Variants in MB21D2 observed in about 807,000 individuals in gnomAD.
MB21D2 encodes Mab-21 domain containing 2, also known as nucleotidyltransferase MB21D2.
A neutral mutation model predicts 33.3 loss-of-function variants in MB21D2; 9 were observed. The ratio of observed to expected loss-of-function variants is 0.27; its 90% CI spans 0.16 to 0.47. The LOEUF is 0.47. Among genes scored for constraint, MB21D2 ranks in the 20% least tolerant of loss-of-function variants. MB21D2 has a pLI of 0.99. For synonymous variants in MB21D2, 241 were observed against 236.3 expected (o/e 1.02, Z -0.18); for missense variants, 540 against 624.6 (o/e 0.86, Z 1.44).
chr3:192,833,046 T>G (rs1712356045), intron 1 of MB21D2, among the ~76,000 whole-genome samples: 1 of 152,164 alleles, frequency 6.6e-6, no homozygotes, highest in South Asian at 2.1e-4. Flanking sequence ...TAGACCTTTT[T>G]TTTTTTGGAA....
intron 1 of MB21D2, among the ~76,000 whole-genome samples, chr3:192,910,473 T>G (rs1165127875): frequency 6.6e-6 from 1 of 152,160 alleles, no homozygotes; most frequent in East Asian, 1.9e-4. Flanking sequence ...GTGAGACCTG[T>G]CATTCATACA....
In MB21D2 at chr3:192,823,480, C is replaced by T. The variant is rs190490772; in HGVS notation, c.212-23830G>A. Among the ~76,000 whole-genome samples the T allele has an allele frequency of 8.5e-5, 13 of 152,048 alleles. 1 individual carries two copies. Among genetic ancestry groups the T allele is most frequent in the Admixed American group, 5.2e-4 (8 of 15,286 alleles). On this transcript the variant is annotated intron_variant, in intron 1 of 1. Transcript: ENST00000392452. ...ACCAGCCTGACCAACACGGAGAAAC[C>T]CCATTTCTACCAAAACTACAAAAAA...
chr3:192,866,054 T>C (rs9837536), intron 1 of MB21D2, among the ~76,000 whole-genome samples: 45 of 150,914 alleles, frequency 3.0e-4, no homozygotes, highest in Non-Finnish European at 4.9e-4. Context: ...TCTAAAAAAA[T>C]AAATAAATAA....
intron 1 of MB21D2, among the ~76,000 whole-genome samples, chr3:192,828,839 C>T (rs1375634439): frequency 1.3e-5 from 2 of 150,640 alleles, no homozygotes; most frequent in African/African-American, 2.4e-5. Context: ...TTTGTAGAGA[C>T]GGGGTTTCAC....
In MB21D2 at chr3:192,917,813, T is replaced by G; in HGVS notation, c.28A>C (p.Lys10Gln). 6.2e-7 allele frequency: 1 copy of G among 1,611,218 alleles called. No individual in the cohort carries two copies. Among genetic ancestry groups the G allele is most frequent in the Non-Finnish European group, 8.5e-7 (1 of 1,178,894 alleles). Residue 10 changes from lysine to glutamine, a missense_variant, in exon 1 of 2, where the codon AAG (lysine) becomes CAG (glutamine). Transcript: ENST00000392452. ...TTGTTACAGCCCAGGGAGGCTGCCT[T>G]GTTGGCGGTGGGAGCCGCCATCTTC... The part of the protein sequence containing the change: MKMAAPTAN[K>Q]AASLGCNNKP...
At position 192,798,533 on chromosome 3, in the gene MB21D2, G is replaced by T. The variant is rs142296779; in HGVS notation, c.1329C>A (p.Asp443Glu). The part of the protein sequence containing the change: ...STTSIPSPQS[D>E]GGDPNQPDDR... ...CATCAGGCTGGTTGGGGTCCCCTCC[G>T]TCAGACTGTGGAGAGGGGATGCTGG... Residue 443 changes from aspartate (D) to glutamate (E), a missense_variant, in exon 2 of 2, where the codon GAC (aspartate) becomes GAA (glutamate). Physicochemically the swap from Asp to Glu is conservative, Grantham distance 45. Coordinates refer to ENST00000392452, the MANE Select transcript of MB21D2 (RefSeq NM_178496.4). This position sits in a 1 kb window ranked among gnomAD's most constrained non-coding sequence, Gnocchi z 4.8. 3 of 1,614,170 alleles carry T rather than the reference G, an allele frequency of 1.9e-6. No individual in the cohort carries two copies. The highest frequency in any genetic ancestry group is 2.5e-6 in the Non-Finnish European group (3 of 1,180,034).
intron 1 of MB21D2, among the ~76,000 whole-genome samples, chr3:192,835,545 T>C (rs1292494279): frequency 1.3e-5 from 2 of 151,506 alleles, no homozygotes; most frequent in African/African-American, 2.4e-5. Context: ...TAGGCCCTGA[T>C]TCCCAAATCA....
chr3:192,878,281 G>GTATTATCTAC (rs1713485173), intron 1 of MB21D2, among the ~76,000 whole-genome samples: 1 of 152,050 alleles, frequency 6.6e-6, no homozygotes, highest in Admixed American at 6.6e-5. Context: ...ACTCCATGGT[G>GTATTATCTAC]TATTATCTAC....
chr3:192,811,854 CCTTA>C (rs1274563806), intron 1 of MB21D2, among the ~76,000 whole-genome samples: 1 of 152,182 alleles, frequency 6.6e-6, no homozygotes, highest in African/African-American at 2.4e-5. Context: ...TTCAAACAGA[CCTTA>C]CTTATACATG....
chr3:192,878,103 G>GTTTTTTTTTTTTTTTTTTTTTTT (rs1296544101), intron 1 of MB21D2, among the ~76,000 whole-genome samples: 3 of 134,222 alleles, frequency 2.2e-5, no homozygotes, highest in Admixed American at 7.9e-5. Context: ...TTTTTTTTTG[G>GTTTTTTTTTTTTTTTTTTTTTTT]TTTTTTTTGT....
chr3:192,874,811 C>T (rs528083636), intron 1 of MB21D2, among the ~76,000 whole-genome samples: 8 of 152,186 alleles, frequency 5.3e-5, no homozygotes, highest in Non-Finnish European at 8.8e-5. Context: ...ATTCTCCTAA[C>T]TCCTCTGCAA....
Position 192,864,573 on chromosome 3 carries a change from C to T in MB21D2, c.211+53057G>A, listed in dbSNP as rs143071745. On this transcript the variant is annotated intron_variant, in intron 1 of 1. Transcript: ENST00000392452. ...CCTGGCTGAAGTGCAATGGCACAAT[C>T]TTGGCTCACTGCAACCTCGGCCTCC... is the stretch of plus-strand genomic sequence containing the variant. Among the ~76,000 whole-genome samples, 1,083 of 152,298 alleles carry T rather than the reference C, an allele frequency of 7.1e-3. 19 individuals are homozygous for T. Among genetic ancestry groups the T allele is most frequent in the African/African-American group, 0.025 (1,040 of 41,562 alleles).
At chr3:192,830,241 AGTGTGTGTGT>A (rs34472117) in intron 1 of MB21D2, among the ~76,000 whole-genome samples, 85 of 146,362 alleles carry the variant, frequency 5.8e-4, no homozygotes, top group East Asian at 1.4e-3. Context: ...AGTGTGTGTG[AGTGTGTGTGT>A]GTGTGTGTGT....
intron 1 of MB21D2, among the ~76,000 whole-genome samples, chr3:192,838,032 A>G (rs1712478202): frequency 6.6e-6 from 1 of 152,242 alleles, no homozygotes; most frequent in African/African-American, 2.4e-5. Flanking sequence ...AGAGCTGCAT[A>G]TCTCCTGCAC....
chr3:192,861,872 C>A (rs183057135), intron 1 of MB21D2, among the ~76,000 whole-genome samples: 3 of 152,258 alleles, frequency 2.0e-5, no homozygotes, highest in Admixed American at 6.5e-5. Flanking sequence ...ACTCTCCCCC[C>A]ACCAAAATCC....
intron 1 of MB21D2, among the ~76,000 whole-genome samples, chr3:192,844,021 C>T (rs1712627500): frequency 6.6e-6 from 1 of 152,212 alleles, no homozygotes. Context: ...CTTACTTCAT[C>T]TGCCGATTAT....
At chr3:192,800,653 T>C (rs1263303845) in intron 1 of MB21D2, among the ~76,000 whole-genome samples, 1 of 152,094 alleles carries the variant, frequency 6.6e-6, no homozygotes, top group Non-Finnish European at 1.5e-5. Flanking sequence ...TGTGATGAAA[T>C]GGAAATAACC....
chr3:192,880,487 G>A (rs1713536566), intron 1 of MB21D2, among the ~76,000 whole-genome samples: 1 of 152,226 alleles, frequency 6.6e-6, no homozygotes, highest in South Asian at 2.1e-4. Context: ...GGATGAGGCA[G>A]AGAAAGCAAC....
intron 1 of MB21D2, among the ~76,000 whole-genome samples, chr3:192,915,612 G>A (rs1347761706): frequency 6.6e-6 from 1 of 152,068 alleles, no homozygotes; most frequent in African/African-American, 2.4e-5. Flanking sequence ...AGGTCAACTG[G>A]GTAAAAAGGA....
Sources: gnomAD v4.1 joint callset for allele counts (sites outside exome capture counted in the v4.1 genomes callset) on GRCh38, gnomAD v4.1.1 for gene constraint, Gnocchi (gnomAD v3.1) non-coding constraint, MANE v1.5 for transcripts, NCBI Gene and HGNC (gene_info 2026-07-23, HGNC 2026-07-21) for gene names.